The following ZNF783 variants were observed in gnomAD, a reference collection of about 807,000 sequenced individuals.
The protein encoded by ZNF783 is protein ZNF783.
Under a neutral mutation model 31.3 loss-of-function variants are expected in ZNF783, and 25 were observed. That is an observed-to-expected ratio of 0.80 (90% CI 0.58 to 1.11). The LOEUF is 1.11. Among genes scored for constraint, ZNF783 ranks in the 50% most tolerant of loss-of-function variants. The probability of loss-of-function intolerance (pLI) is 0.00; values close to 1 mark genes in which losing one functional copy is unlikely to be tolerated. For missense variants in ZNF783, 797 were observed against 760.0 expected (o/e 1.05, Z -0.57); for synonymous variants, 369 against 319.1 (o/e 1.16, Z -1.66).
rs772264616 is a variant in ZNF783, at chr7:149,266,431, A to G, written c.121A>G (p.Ile41Val). 1.0e-5 allele frequency: 16 copies of G among 1,604,238 alleles called. No homozygotes were observed. In the South Asian group the frequency reaches 1.3e-4, roughly 13 times the overall value. The change falls in exon 2 of 6, where the codon ATC becomes GTC. Residue 41 changes from isoleucine to valine, a missense_variant. Ile to Val is a conservative substitution (Grantham distance 29). Transcript: ENST00000434415. ...GAACTCGTACCTCTACTCCACGGAAATCACACTGTGGACGGTGGTGGCCGC... is the reference window on the plus strand; with the variant it reads ...GAACTCGTACCTCTACTCCACGGAAGTCACACTGTGGACGGTGGTGGCCGC... ...EKNSYLYSTE[I>V]TLWTVVAAIQ... is the part of the protein sequence containing the mutation.
chr7:149,262,607 C>G (rs1232206155), intron 1 of ZNF783, among the ~76,000 whole-genome samples: 5 of 152,212 alleles, frequency 3.3e-5, no homozygotes, highest in Non-Finnish European at 5.9e-5. Context: ...CTCAGCCAGG[C>G]CGGGCCCCAG....
intron 3 of ZNF783, 48 bp downstream of exon 3, chr7:149,266,993 T>A: frequency 1.2e-6 from 2 of 1,613,786 alleles, no homozygotes; most frequent in Non-Finnish European, 1.7e-6. Flanking sequence ...AGGTTGTCTG[T>A]GGACAGTCTG....
chr7:149,280,663 G>A (rs985246878), intron 5 of ZNF783, among the ~76,000 whole-genome samples: 1 of 152,232 alleles, frequency 6.6e-6, no homozygotes, highest in Non-Finnish European at 1.5e-5. Flanking sequence ...TGGTCTTGGC[G>A]TGGCTGGGCT....
chr7:149,280,101 A>G (rs1193833335), intron 5 of ZNF783, among the ~76,000 whole-genome samples: 4 of 85,360 alleles, frequency 4.7e-5, no homozygotes, highest in Non-Finnish European at 9.6e-5. Flanking sequence ...CGGGGGGCTG[A>G]CCCCCCCACC....
chr7:149,262,828 T>G (rs1352704179), intron 1 of ZNF783, among the ~76,000 whole-genome samples: 2 of 152,268 alleles, frequency 1.3e-5, no homozygotes, highest in Admixed American at 6.5e-5. Flanking sequence ...TTAGACACTT[T>G]AAAACGCCTC....
Position 149,281,593 on chromosome 7 carries a change from C to T in ZNF783, c.891C>T (p.Thr297=), listed in dbSNP as rs757408817. 13 of 1,536,054 alleles carry T rather than the reference C, an allele frequency of 8.5e-6. No homozygotes were observed. Among genetic ancestry groups the T allele is most frequent in the Non-Finnish European group, 1.1e-5 (13 of 1,153,922 alleles). The change falls in exon 6 of 6, where the codon ACC becomes ACT. Residue 297 remains threonine, a synonymous_variant. Coordinates refer to ENST00000434415, the MANE Select transcript of ZNF783 (RefSeq NM_001195220.2). ...RLFLGVSRGQ[T]ECRIPRGPRN... ...TTCTGGGGGTGTCCCGAGGCCAGAC[C>T]GAGTGTAGAATCCCCCGAGGGCCCA...
chr7:149,284,310 G>C lies in ZNF783; in HGVS notation c.*1967G>C, dbSNP rs1338934175. 6.6e-6 allele frequency: 1 copy of C among 152,310 alleles called. No homozygotes were observed. Among genetic ancestry groups the C allele is most frequent in the African/African-American group, 2.4e-5 (1 of 41,434 alleles). The allele number at this position is 152,310 out of a possible 1,614,324, so 9.4% of individuals were successfully genotyped here. A position where few individuals can be genotyped will look rare whatever the true frequency, so the allele number is the denominator to read the frequency against. Reference sequence around the variant, plus strand: ...ACCCTCACACTTCTTCCAAAGTCTTGAGCAGAGTTGGGGGCCAATGGTAGC... The same window carrying C: ...ACCCTCACACTTCTTCCAAAGTCTTCAGCAGAGTTGGGGGCCAATGGTAGC... On this transcript the variant is annotated 3_prime_UTR_variant, in exon 6 of 6. Transcript: ENST00000434415.
At chr7:149,268,313 T>G (rs1797134562) in intron 4 of ZNF783, among the ~76,000 whole-genome samples, 1 of 152,166 alleles carries the variant, frequency 6.6e-6, no homozygotes, top group Non-Finnish European at 1.5e-5. Flanking sequence ...CTATGGGTCT[T>G]TGGATCCTAA....
chr7:149,282,056 C>T lies in ZNF783; in HGVS notation c.1354C>T (p.Leu452=), dbSNP rs1377887419. 8 of 1,594,448 alleles carry T rather than the reference C, an allele frequency of 5.0e-6. No homozygotes were observed. The highest frequency in any genetic ancestry group is 1.3e-5 in the African/African-American group (1 of 74,838). The change falls in exon 6 of 6, where the codon CTG becomes TTG. Residue 452 remains leucine, a synonymous_variant. Coordinates refer to ENST00000434415, the MANE Select transcript of ZNF783 (RefSeq NM_001195220.2). The part of the protein sequence containing the change: ...LRFFQQRKSL[L]LHQRLHTGNG... ...CTTCTTCCAGCAGCGCAAGAGCCTG[C>T]TGCTGCACCAGCGCCTGCACACCGG...
At chr7:149,268,243 C>G (rs1797132345) in intron 4 of ZNF783, among the ~76,000 whole-genome samples, 1 of 152,082 alleles carries the variant, frequency 6.6e-6, no homozygotes, top group African/African-American at 2.4e-5. Context: ...AGAATATCAT[C>G]TAATACCATC....
At chr7:149,280,503 T>G (rs1222329637) in intron 5 of ZNF783, among the ~76,000 whole-genome samples, 18 of 152,250 alleles carry the variant, frequency 1.2e-4, no homozygotes, top group Admixed American at 1.1e-3. Context: ...TCTATCTCCC[T>G]GGGGACTGTG....
chr7:149,282,180 C>G lies in ZNF783; in HGVS notation c.1478C>G (p.Pro493Arg), dbSNP rs1362460449. 6.2e-7 allele frequency: 1 copy of G among 1,600,942 alleles called. No individual in the cohort carries two copies. Among genetic ancestry groups the G allele is most frequent in the Middle Eastern group, 1.7e-4 (1 of 6,060 alleles). Residue 493 changes from proline to arginine, a missense_variant, in exon 6 of 6, where the codon CCC (proline) becomes CGC (arginine). Physicochemically the swap from Pro to Arg is moderately radical, Grantham distance 103. Coordinates refer to ENST00000434415, the MANE Select transcript of ZNF783 (RefSeq NM_001195220.2). ...RHQRIHTGER[P>R]YQCPQCGRTF... ...CAGCGCATCCACACCGGTGAGCGGC[C>G]CTACCAGTGCCCCCAGTGTGGCCGG...
In ZNF783 at chr7:149,282,293, C is replaced by T. The variant is rs1425037668; in HGVS notation, c.1591C>T (p.Arg531Cys). The change falls in exon 6 of 6, where the codon CGC becomes TGC. Residue 531 changes from arginine to cysteine, a missense_variant. Coordinates refer to ENST00000434415, the MANE Select transcript of ZNF783 (RefSeq NM_001195220.2). ...CCCACACTTCCCTGCCGCCCCCGCC[C>T]GCCACGGGAGCCTGCCCCTGCCCTG... ...VGPHFPAAPARHGSLPLPWPS... is the reference protein window; with the variant it reads ...VGPHFPAAPACHGSLPLPWPS... The T allele has an allele frequency of 6.4e-6, 10 of 1,568,978 alleles. No homozygotes were observed. The highest frequency in any genetic ancestry group is 8.6e-6 in the Non-Finnish European group (10 of 1,166,236).
intron 5 of ZNF783, 36 bp from the exon 6 acceptor site, chr7:149,281,469 G>A: frequency 3.5e-6 from 5 of 1,421,582 alleles, no homozygotes; most frequent in Non-Finnish European, 4.6e-6. Flanking sequence ...AGGGTGGTGA[G>A]GTCCACTTGG....
At chr7:149,265,523 A>G (rs1797042948) in intron 1 of ZNF783, among the ~76,000 whole-genome samples, 1 of 152,170 alleles carries the variant, frequency 6.6e-6, no homozygotes, top group African/African-American at 2.4e-5. Flanking sequence ...GCATACAGCA[A>G]GATCATCTCC....
At position 149,283,219 on chromosome 7, in the gene ZNF783, C is replaced by G. The variant is rs1435215836; in HGVS notation, c.*876C>G. 3 of 152,096 alleles carry G rather than the reference C, an allele frequency of 2.0e-5. No homozygotes were observed. The highest frequency in any genetic ancestry group is 7.3e-5 in the African/African-American group (3 of 41,368). The allele number at this position is 152,096 out of a possible 1,614,324, so 9.4% of individuals were successfully genotyped here. A position where few individuals can be genotyped will look rare whatever the true frequency, so the allele number is the denominator to read the frequency against. The stretch of plus-strand genomic sequence containing the variant: ...CTCCTGATGTTAGGTGACCCGCACA[C>G]CTCGGCCTCCTGAAGTGCTGGGATT... On this transcript the variant is annotated 3_prime_UTR_variant, in exon 6 of 6. Transcript: ENST00000434415.
chr7:149,282,339 G>A lies in ZNF783; in HGVS notation c.1637G>A (p.Gly546Asp), dbSNP rs1164803363. The A allele has an allele frequency of 6.6e-7, 1 of 1,511,574 alleles. No individual in the cohort carries two copies. Among genetic ancestry groups the A allele is most frequent in the South Asian group, 1.3e-5 (1 of 78,700 alleles). The allele number at this position is 1,511,574 out of a possible 1,614,324, so 93.6% of individuals were successfully genotyped here. ...CCCTGGCCCAGCCGGAAGGAGGAGG[G>A]CTGACCTGGCAGGAGCCCACAGAGG... is the stretch of plus-strand genomic sequence containing the variant. ...PLPWPSRKEE[G>D] Residue 546 changes from glycine to aspartate, a missense_variant, in exon 6 of 6, where the codon GGC becomes GAC. Gly to Asp is a moderately conservative substitution (Grantham distance 94). Coordinates refer to ENST00000434415, the MANE Select transcript of ZNF783 (RefSeq NM_001195220.2).
Position 149,282,194 on chromosome 7 carries a change from C to CA in ZNF783, c.1493dup (p.Cys499ValfsTer119), listed in dbSNP as rs1343501828. ...CGGTGAGCGGCCCTACCAGTGCCCC[C>CA]AGTGTGGCCGGACCTTCAACCGCAA... is the stretch of plus-strand genomic sequence containing the variant. On this transcript the variant is annotated frameshift_variant, in exon 6 of 6. Transcript: ENST00000434415. LOFTEE classifies it low-confidence loss of function (END_TRUNC). 3 of 1,600,290 alleles carry CA rather than the reference C, an allele frequency of 1.9e-6. No homozygotes were observed. The African/African-American group carries it at 4.0e-5, about 21-fold the overall frequency.
intron 1 of ZNF783, among the ~76,000 whole-genome samples, chr7:149,263,319 TATA>T (rs1206628856): frequency 1.3e-4 from 19 of 142,760 alleles, no homozygotes; most frequent in African/African-American, 5.2e-4. Flanking sequence ...TATATATATA[TATA>T]TATTTTTTTT....
Sources: gnomAD v4.1 joint callset for allele counts (sites outside exome capture counted in the v4.1 genomes callset) on GRCh38, gnomAD v4.1.1 for gene constraint, MANE v1.5 for transcripts, NCBI Gene and HGNC (gene_info 2026-07-23, HGNC 2026-07-21) for gene names.